Variants in XAGE5 observed in about 807,000 individuals in gnomAD.
The protein encoded by XAGE5 is G antigen, family D, 5.
In XAGE5, 13 loss-of-function variants were observed where a neutral mutation model predicts 13.1. The observed-to-expected ratio is 0.99, with a 90% CI of 0.64 to 1.57. The LOEUF (loss-of-function observed/expected upper bound fraction) is 1.57. XAGE5 is among the 40% of genes most tolerant of loss of function. The probability of loss-of-function intolerance (pLI) is 0.00; values close to 1 mark genes in which losing one functional copy is unlikely to be tolerated. For missense variants in XAGE5, 86 were observed against 77.6 expected, an observed-to-expected ratio of 1.11 and a Z score of -0.41; for synonymous variants, 17 against 25.0, an observed-to-expected ratio of 0.68 and a Z score of 0.96.
At chrX:52,812,012 TGCGAAACCAAA>T (rs782780869) in intron 2 of XAGE5, among the ~76,000 whole-genome samples, 108 of 111,478 alleles carry the variant, frequency 9.7e-4, no homozygotes, top group African/African-American at 3.2e-3. Flanking sequence ...AGAGTCCAAT[TGCGAAACCAAA>T]CCTCATTGGA....
In XAGE5 at chrX:52,818,198, G is replaced by A. The variant is rs1186289851; in HGVS notation, c.312G>A (p.Gly104=). 3.0e-5 allele frequency: 36 copies of A among 1,211,466 alleles called. No homozygotes were observed. The highest frequency in any genetic ancestry group is 4.0e-5 in the Non-Finnish European group (36 of 895,230). The change falls in exon 6 of 6, where the codon GGG becomes GGA. Residue 104 remains glycine, a synonymous_variant. Coordinates refer to ENST00000375501, the MANE Select transcript of XAGE5 (RefSeq NM_001386970.1). ...GTTATGTTTCTATTGCAGGGGAAGG[G>A]AAACCACAGCTTTAAACGAAGACAA... ...EQFKMPEGGE[G]KPQL
chrX:52,816,573 G>T (rs1926910117), intron 5 of XAGE5, among the ~76,000 whole-genome samples: 2 of 112,195 alleles, frequency 1.8e-5, no homozygotes, highest in Admixed American at 1.9e-4. Context: ...TGATTTAAAG[G>T]TCAAAGACTA....
In XAGE5 at chrX:52,818,249, C is replaced by T. The variant is rs373034823; in HGVS notation, c.*36C>T. ...CCAAAAGAATGCAAACTGGATTTAT[C>T]CGAGATATTTGACTTTTAAAAATCT... On this transcript the variant is annotated 3_prime_UTR_variant, in exon 6 of 6. Transcript: ENST00000375501. 1.7e-5 allele frequency: 21 copies of T among 1,204,231 alleles called. No homozygotes were observed. The highest frequency in any genetic ancestry group is 2.2e-5 in the Non-Finnish European group (20 of 890,576).
At chrX:52,816,177 C>T (rs1160604913) in intron 5 of XAGE5, among the ~76,000 whole-genome samples, 1 of 111,764 alleles carries the variant, frequency 8.9e-6, no homozygotes, top group African/African-American at 3.3e-5. Context: ...CTCCTGACCT[C>T]AAGTGATCCA....
chrX:52,816,547 G>C (rs782174376), intron 5 of XAGE5, among the ~76,000 whole-genome samples: 3 of 112,169 alleles, frequency 2.7e-5, no homozygotes, highest in African/African-American at 9.7e-5. Flanking sequence ...TTTCTGCCTT[G>C]AGTCATCAGA....
At chrX:52,811,780 G>A (rs1401452780) in intron 2 of XAGE5, among the ~76,000 whole-genome samples, 61 bp downstream of exon 2, 1 of 110,760 alleles carries the variant, frequency 9.0e-6, no homozygotes, top group Non-Finnish European at 1.9e-5. Flanking sequence ...CCCAAGGTTT[G>A]TATAACGAAC....
intron 2 of XAGE5, among the ~76,000 whole-genome samples, chrX:52,812,014 C>T (rs781858182): frequency 3.1e-4 from 35 of 111,122 alleles, no homozygotes; most frequent in Non-Finnish European, 6.0e-4. Context: ...AGTCCAATTG[C>T]GAAACCAAAC....
At chrX:52,814,990 C>T (rs1416491632) in intron 4 of XAGE5, 102 bp from the exon 5 acceptor site, 19 of 978,172 alleles carry the variant, frequency 1.9e-5, no homozygotes, top group Non-Finnish European at 2.8e-6. Flanking sequence ...CCACAGTAGC[C>T]TCTAGGCTTT....
At chrX:52,817,298 T>A (rs1926923706) in intron 5 of XAGE5, among the ~76,000 whole-genome samples, 1 of 112,040 alleles carries the variant, frequency 8.9e-6, no homozygotes. Flanking sequence ...TCAAAAACAG[T>A]TACTTTTAGA....
Position 52,818,191 on chromosome X carries a change from G to A in XAGE5, c.305G>A (p.Gly102Glu). Residue 102 changes from glycine (G) to glutamate (E), a missense_variant and splice_region_variant, in exon 6 of 6, where the codon GGG becomes GAG. Coordinates refer to ENST00000375501, the MANE Select transcript of XAGE5 (RefSeq NM_001386970.1). ...KSEQFKMPEGGEGKPQL is the reference protein window; with the variant it reads ...KSEQFKMPEGEEGKPQL Reference sequence around the variant, plus strand: ...CCCTCCTGTTATGTTTCTATTGCAGGGGAAGGGAAACCACAGCTTTAAACG... The same window carrying A: ...CCCTCCTGTTATGTTTCTATTGCAGAGGAAGGGAAACCACAGCTTTAAACG... The A allele has an allele frequency of 2.5e-6, 3 of 1,210,990 alleles. No homozygotes were observed. Among genetic ancestry groups the A allele is most frequent in the Non-Finnish European group, 3.4e-6 (3 of 894,940 alleles).
intron 2 of XAGE5, 193 bp from the exon 3 acceptor site, chrX:52,812,366 C>CCG (rs1926814865): frequency 2.8e-6 from 1 of 358,433 alleles, no homozygotes; most frequent in East Asian, 4.5e-5. Flanking sequence ...ATTCGCCCCC[C>CCG]GGTTCAAGTG....
chrX:52,812,643 G>A lies in XAGE5; in HGVS notation c.72+5G>A. On this transcript the variant is annotated splice_donor_5th_base_variant and intron_variant, in intron 3 of 5. Transcript: ENST00000375501. ...CAGCTGGTTGGGCCTATGCTTGTGA[G>A]TGACTTCACATTCGATTTTTTTCTA... The A allele has an allele frequency of 8.3e-7, 1 of 1,210,542 alleles. No individual in the cohort carries two copies. The highest frequency in any genetic ancestry group is 1.1e-6 in the Non-Finnish European group (1 of 894,558).
intron 2 of XAGE5, chrX:52,812,274 T>G: frequency 7.7e-6 from 2 of 258,445 alleles, no homozygotes; most frequent in Non-Finnish European, 1.4e-5. Flanking sequence ...TTTGCTTTGG[T>G]TTGGTTTGGC....
chrX:52,812,676 A>G (rs782064855), intron 3 of XAGE5, 38 bp downstream of exon 3: 3 of 1,171,963 alleles, frequency 2.6e-6, no homozygotes, highest in Admixed American at 2.2e-5. Flanking sequence ...CTACTAGCAG[A>G]AATTTTTTTG....
At chrX:52,812,138 A>C (rs1435431712) in intron 2 of XAGE5, 7 of 130,318 alleles carry the variant, frequency 5.4e-5, no homozygotes, top group African/African-American at 2.2e-4. Context: ...ACACTTATAC[A>C]TGCCCTCTGA....
chrX:52,817,087 T>C (rs1189894635), intron 5 of XAGE5, among the ~76,000 whole-genome samples: 1 of 111,455 alleles, frequency 9.0e-6, no homozygotes, highest in Non-Finnish European at 1.9e-5. Context: ...AAGCACAACA[T>C]GGAATATGAA....
Position 52,811,551 on chromosome X carries a change from T to A in XAGE5, c.-177T>A, listed in dbSNP as rs1053728377. ...TATGGGCCTTCTTGTCTTGTAGGGG[T>A]CAGGACGAAGGAAGAAGGAGGGCTT... is the stretch of plus-strand genomic sequence containing the variant. On this transcript the variant is annotated 5_prime_UTR_variant, in exon 2 of 6. Coordinates refer to ENST00000375501, the MANE Select transcript of XAGE5 (RefSeq NM_001386970.1). Among the ~76,000 whole-genome samples the A allele has an allele frequency of 9.1e-6, 1 of 110,032 alleles. No individual in the cohort carries two copies. The highest frequency in any genetic ancestry group is 3.3e-5 in the African/African-American group (1 of 30,154).
rs1602000896 is a variant in XAGE5 at position 52,812,631 on chromosome X, C to T, written c.65C>T (p.Pro22Leu). Residue 22 changes from proline to leucine, a missense_variant, in exon 3 of 6, where the codon CCT becomes CTT. Pro to Leu is a moderately conservative substitution (Grantham distance 98). Transcript: ENST00000375501. ...RCLRLAQLVG[P>L]MLEPSVPEPQ... ...TTACGACTTGCTCAGCTGGTTGGGC[C>T]TATGCTTGTGAGTGACTTCACATTC... The T allele has an allele frequency of 8.3e-7, 1 of 1,210,774 alleles. No individual in the cohort carries two copies. The highest frequency in any genetic ancestry group is 1.1e-6 in the Non-Finnish European group (1 of 895,044).
Position 52,815,127 on chromosome X carries a change from C to T in XAGE5, c.214C>T (p.Gln72Ter). The stretch of plus-strand genomic sequence containing the variant: ...GGAAGCTGATCTCCAGGAGCTGTCT[C>T]AGTCAAAGACTGGGGATGAATGCGG... ...NLEADLQELS[Q>*]SKTGDECGDS... The change falls in exon 5 of 6, where the codon CAG becomes TAG. Residue 72 changes from glutamine (Q) to a stop codon, truncating the protein, a stop_gained. Coordinates refer to ENST00000375501, the MANE Select transcript of XAGE5 (RefSeq NM_001386970.1). LOFTEE classifies it high-confidence loss of function. 1 of 1,211,312 alleles carries T rather than the reference C, an allele frequency of 8.3e-7. No homozygotes were observed. Among genetic ancestry groups the T allele is most frequent in the Non-Finnish European group, 1.1e-6 (1 of 895,168 alleles).
Sources: gnomAD v4.1 joint callset for allele counts (sites outside exome capture counted in the v4.1 genomes callset) on GRCh38, gnomAD v4.1.1 for gene constraint, MANE v1.5 for transcripts, NCBI Gene and HGNC (gene_info 2026-07-23, HGNC 2026-07-21) for gene names.